Variants in ESYT3 observed in about 807,000 individuals in gnomAD.
ESYT3 encodes the protein extended synaptotagmin-3.
Under a neutral mutation model 111.5 loss-of-function variants are expected in ESYT3, and 101 were observed. The ratio of observed to expected loss-of-function variants is 0.91; its 90% CI spans 0.77 to 1.07. The LOEUF (loss-of-function observed/expected upper bound fraction) is 1.07, where lower values mean the gene tolerates loss of function less well. Among genes scored for constraint, ESYT3 ranks in the 50% least tolerant of loss-of-function variants. ESYT3 has a pLI of 0.00. For missense variants in ESYT3, 1,097 were observed against 1,109.4 expected (o/e 0.99, Z 0.16); for synonymous variants, 416 against 446.8 (o/e 0.93, Z 0.87).
chr3:138,434,886 C>G lies in ESYT3; in HGVS notation c.88C>G (p.Gln30Glu), dbSNP rs1287655186. ...TPGPELRLSS[Q>E]LLPELCTFVV... ...GGGCCCCGAGCTGCGCCTGTCCAGC[C>G]AGCTGCTGCCCGAGCTCTGTACCTT... The change falls in exon 1 of 23, where the codon CAG (glutamine) becomes GAG (glutamate). Residue 30 changes from glutamine (Q) to glutamate (E), a missense_variant. Transcript: ENST00000389567. 3.2e-6 allele frequency: 5 copies of G among 1,550,732 alleles called. No individual in the cohort carries two copies. In the Admixed American group the frequency reaches 9.8e-5, roughly 30 times the overall value.
At position 138,462,120 on chromosome 3, in the gene ESYT3, G is replaced by A; in HGVS notation, c.829G>A (p.Ala277Thr). The part of the protein sequence containing the change: ...VSDSLLEDLI[A>T]THLVLPNRVT... ...AGACAGCTTACTGGAGGACCTCATT[G>A]CCACCCACCTGGTGCTGCCCAACCG... Residue 277 changes from alanine (A) to threonine (T), a missense_variant, in exon 8 of 23, where the codon GCC (alanine) becomes ACC (threonine). Transcript: ENST00000389567. 6.2e-7 allele frequency: 1 copy of A among 1,614,144 alleles called. No homozygotes were observed. Among genetic ancestry groups the A allele is most frequent in the Non-Finnish European group, 8.5e-7 (1 of 1,180,024 alleles).
chr3:138,473,068 A>G (rs1560246051), intron 18 of ESYT3: 2 of 1,421,782 alleles, frequency 1.4e-6, no homozygotes, highest in Non-Finnish European at 1.8e-6. Flanking sequence ...CGTACTGACT[A>G]TAAAATAGAT....
chr3:138,443,040 C>T (rs2108594172), intron 1 of ESYT3, among the ~76,000 whole-genome samples: 1 of 152,292 alleles, frequency 6.6e-6, no homozygotes, highest in Non-Finnish European at 1.5e-5. Context: ...CTTTAAAAAA[C>T]TACTCTGTGG....
chr3:138,441,947 G>A (rs1433374740), intron 1 of ESYT3, among the ~76,000 whole-genome samples: 1 of 152,102 alleles, frequency 6.6e-6, no homozygotes, highest in Non-Finnish European at 1.5e-5. Flanking sequence ...GGCAGGCCGA[G>A]AAGCCCTGTG....
In ESYT3 at chr3:138,476,816, A is replaced by G. The variant is rs748976282; in HGVS notation, c.2625-2A>G. The G allele has an allele frequency of 2.9e-5, 47 of 1,613,944 alleles. No homozygotes were observed. The East Asian group carries it at 4.2e-4, about 15-fold the overall frequency. On this transcript the variant is annotated splice_acceptor_variant, in intron 22 of 22. Transcript: ENST00000389567. LOFTEE classifies it high-confidence loss of function. ...TTAAGTCCAAACGTAACTGTCTTACAGGTATGAGCTGACTCCAAATGGACA... is the reference window on the plus strand; with the variant it reads ...TTAAGTCCAAACGTAACTGTCTTACGGGTATGAGCTGACTCCAAATGGACA...
chr3:138,465,285 C>A, intron 9 of ESYT3, 54 bp from the exon 10 acceptor site: 1 of 1,381,834 alleles, frequency 7.2e-7, no homozygotes, highest in South Asian at 1.3e-5. Flanking sequence ...CCCTTTGGGT[C>A]ATATGTCAGG....
At chr3:138,474,183 CT>C (rs750997203) in intron 19 of ESYT3, 37 bp from the exon 20 acceptor site, 62,938 of 985,908 alleles carry the variant, frequency 0.064, 16 homozygotes, top group East Asian at 0.1. Flanking sequence ...AACCAGGGCC[CT>C]TTTTTTTTTT....
Position 138,468,761 on chromosome 3 carries a change from T to A in ESYT3, c.1371+44T>A. On this transcript the variant is annotated intron_variant, in intron 13 of 22. Coordinates refer to ENST00000389567, the MANE Select transcript of ESYT3 (RefSeq NM_031913.5). Reference sequence around the variant, plus strand: ...AGAGTGTCACACAAACGCAACAAAGTGCCCATCACTTTCAAATTGTCCTGT... The same window carrying A: ...AGAGTGTCACACAAACGCAACAAAGAGCCCATCACTTTCAAATTGTCCTGT... 21 of 1,613,808 alleles carry A rather than the reference T, an allele frequency of 1.3e-5. No individual in the cohort carries two copies. The South Asian group carries it at 2.1e-4, about 16-fold the overall frequency.
At chr3:138,460,072 G>C in intron 6 of ESYT3, 38 bp downstream of exon 6, 1 of 1,570,502 alleles carries the variant, frequency 6.4e-7, no homozygotes, top group Non-Finnish European at 8.8e-7. Context: ...GCTGCTCCCT[G>C]GGAGTAGGCA....
chr3:138,451,728 C>T lies in ESYT3; in HGVS notation c.328-320C>T, dbSNP rs551551583. Among the ~76,000 whole-genome samples the T allele has an allele frequency of 8.9e-3, 1,350 of 152,338 alleles. 14 individuals are homozygous for T. Among genetic ancestry groups the T allele is most frequent in the Non-Finnish European group, 0.01 (686 of 68,038 alleles). ...GAAACCGCGTGGAGTCCTGTCCTGC[C>T]CGCCACCGCGTGCCCAGAAACGCCC... On this transcript the variant is annotated intron_variant, in intron 1 of 22. Coordinates refer to ENST00000389567, the MANE Select transcript of ESYT3 (RefSeq NM_031913.5).
In ESYT3 at chr3:138,440,501, C is replaced by T. The variant is rs973822644; in HGVS notation, c.327+5376C>T. ...TAGCCTGGGCACTCTCAGATTAGAT[C>T]ACAAAGCCTGATGCTTGGAGCCAGG... On this transcript the variant is annotated intron_variant, in intron 1 of 22. Coordinates refer to ENST00000389567, the MANE Select transcript of ESYT3 (RefSeq NM_031913.5). This position sits in a 1 kb window ranked among gnomAD's most constrained non-coding sequence, Gnocchi z 4.2. Among the ~76,000 whole-genome samples the T allele has an allele frequency of 3.3e-5, 5 of 152,176 alleles. No homozygotes were observed. The highest frequency in any genetic ancestry group is 3.3e-4 in the Admixed American group (5 of 15,276).
intron 8 of ESYT3, 178 bp downstream of exon 8, chr3:138,462,384 A>G (rs2032697286): frequency 2.4e-6 from 2 of 833,490 alleles, no homozygotes; most frequent in South Asian, 1.8e-5. Context: ...CTTGGGGTGT[A>G]TCCCACTTGG....
At chr3:138,451,279 T>G (rs1188047763) in intron 1 of ESYT3, among the ~76,000 whole-genome samples, 1 of 152,054 alleles carries the variant, frequency 6.6e-6, no homozygotes, top group African/African-American at 2.4e-5. Flanking sequence ...AGGAAGGGCC[T>G]AAGGGGAAGG....
At chr3:138,441,433 G>C (rs2031143719) in intron 1 of ESYT3, among the ~76,000 whole-genome samples, 1 of 152,096 alleles carries the variant, frequency 6.6e-6, no homozygotes, top group African/African-American at 2.4e-5. Context: ...GGTGGGGAGA[G>C]ATGGTCACCG....
chr3:138,469,898 G>A (rs1050955275), intron 15 of ESYT3, among the ~76,000 whole-genome samples, 162 bp from the exon 16 acceptor site: 7 of 152,120 alleles, frequency 4.6e-5, no homozygotes, highest in East Asian at 1.9e-4. Flanking sequence ...GTGTTGTCCC[G>A]TCCTAGTGCC....
intron 1 of ESYT3, among the ~76,000 whole-genome samples, chr3:138,442,604 C>T (rs937136118): frequency 1.3e-5 from 2 of 152,218 alleles, no homozygotes; most frequent in Admixed American, 1.3e-4. Flanking sequence ...GAGCATGTGT[C>T]TGTCACTCTG....
intron 1 of ESYT3, among the ~76,000 whole-genome samples, chr3:138,447,986 G>C (rs1480592854): frequency 1.3e-5 from 2 of 151,924 alleles, no homozygotes; most frequent in East Asian, 1.9e-4. Context: ...GGGAATCGGC[G>C]GCCGGGTGTG....
intron 6 of ESYT3, 36 bp from the exon 7 acceptor site, chr3:138,460,575 C>T (rs369418119): frequency 6.2e-7 from 1 of 1,612,596 alleles, no homozygotes; most frequent in Non-Finnish European, 8.5e-7. Flanking sequence ...GGCTCCCAAC[C>T]CTTTCCAGCC....
rs2033562925 is a variant in ESYT3, at chr3:138,477,959, T to G, written c.*1105T>G. The G allele has an allele frequency of 1.3e-5, 2 of 152,310 alleles. No homozygotes were observed. Among genetic ancestry groups the G allele is most frequent in the Admixed American group, 1.3e-4 (2 of 15,300 alleles). The allele number at this position is 152,310 out of a possible 1,614,324, so 9.4% of individuals were successfully genotyped here. On this transcript the variant is annotated 3_prime_UTR_variant, in exon 23 of 23. Transcript: ENST00000389567. ...TCATGTTACTCTTATTCCAGTTTCC[T>G]GCCATCTGATTCACATGCAGATGTT... is the stretch of plus-strand genomic sequence containing the variant.
Sources: gnomAD v4.1 joint callset for allele counts (sites outside exome capture counted in the v4.1 genomes callset) on GRCh38, gnomAD v4.1.1 for gene constraint, Gnocchi (gnomAD v3.1) non-coding constraint, MANE v1.5 for transcripts, NCBI Gene and HGNC (gene_info 2026-07-23, HGNC 2026-07-21) for gene names.